Variants in PADI4 observed in about 807,000 individuals in gnomAD.
PADI4 encodes the protein peptidyl arginine deiminase 4.
A neutral mutation model predicts 75.0 loss-of-function variants in PADI4; 62 were observed. The observed-to-expected ratio is 0.83, with a 90% CI of 0.67 to 1.02. The LOEUF (loss-of-function observed/expected upper bound fraction) is 1.02. PADI4 is among the 50% of genes least tolerant of loss of function. The probability of loss-of-function intolerance (pLI) is 0.00; values close to 1 mark genes in which losing one functional copy is unlikely to be tolerated. For missense variants in PADI4, 845 were observed against 850.5 expected (o/e 0.99, Z 0.08); for synonymous variants, 361 against 348.1 (o/e 1.04, Z -0.41).
At chr1:17,309,537 T>C (rs537351415) in intron 1 of PADI4, among the ~76,000 whole-genome samples, 1 of 152,120 alleles carries the variant, frequency 6.6e-6, no homozygotes, top group East Asian at 1.9e-4. Flanking sequence ...AAATAATAAA[T>C]CCTCCTCAAC....
chr1:17,338,247 G>T, intron 5 of PADI4, 92 bp downstream of exon 5: 1 of 795,690 alleles, frequency 1.3e-6, no homozygotes, highest in Non-Finnish European at 2.2e-6. Context: ...CTGAAATAAG[G>T]GTTATTGAAA....
intron 1 of PADI4, among the ~76,000 whole-genome samples, chr1:17,329,055 A>AATAAAATATTAATATTAATATTTTATT (rs1412793913): frequency 0.016 from 2,275 of 142,588 alleles, 27 homozygotes; most frequent in Non-Finnish European, 0.025. Context: ...ATAATTTATT[A>AATAAAATATTAATATTAATATTTTATT]ATAAAATATT....
chr1:17,338,201 C>T (rs1475487360), intron 5 of PADI4, 46 bp downstream of exon 5: 4 of 1,225,002 alleles, frequency 3.3e-6, no homozygotes, highest in Non-Finnish European at 4.8e-6. Flanking sequence ...TTATAAAGCC[C>T]TTTTGCCCAC....
chr1:17,341,780 C>T (rs2074422873), intron 6 of PADI4, among the ~76,000 whole-genome samples, 163 bp from the exon 7 acceptor site: 1 of 152,204 alleles, frequency 6.6e-6, no homozygotes, highest in South Asian at 2.1e-4. Context: ...GCTAGAACTT[C>T]AGTCCTTTTC....
At chr1:17,318,996 T>C (rs2073989713) in intron 1 of PADI4, among the ~76,000 whole-genome samples, 2 of 151,776 alleles carry the variant, frequency 1.3e-5, no homozygotes. Flanking sequence ...CCTTTTTTTT[T>C]CCTTTTTGTG....
intron 2 of PADI4, among the ~76,000 whole-genome samples, chr1:17,333,608 C>T (rs2074255424): frequency 1.3e-5 from 2 of 151,822 alleles, no homozygotes; most frequent in South Asian, 4.2e-4. Context: ...TTATGATCAG[C>T]TCTCTCTAGC....
In PADI4 at chr1:17,356,557, C is replaced by A. The variant is rs1047847787; in HGVS notation, c.1558+98C>A. On this transcript the variant is annotated intron_variant, in intron 13 of 15. Transcript: ENST00000375448. This position sits in a 1 kb window ranked among gnomAD's most constrained non-coding sequence, Gnocchi z 4.1. ...AATCATCCAGGCAATAGGGTAGCAT[C>A]TGAGCACCTACTGTGCGCCAGGCAC... The A allele has an allele frequency of 1.4e-6, 1 of 710,384 alleles. No homozygotes were observed. The highest frequency in any genetic ancestry group is 2.5e-6 in the Non-Finnish European group (1 of 403,290). The allele number at this position is 710,384 out of a possible 1,614,324, so 44.0% of individuals were successfully genotyped here. A position where few individuals can be genotyped will look rare whatever the true frequency, so the allele number is the denominator to read the frequency against.
rs1200790209 is a variant in PADI4 at position 17,316,476 on chromosome 1, T to G, written c.92+8162T>G. On this transcript the variant is annotated intron_variant, in intron 1 of 15. Coordinates refer to ENST00000375448, the MANE Select transcript of PADI4 (RefSeq NM_012387.3). Reference sequence around the variant, plus strand: ...AGGCTGAGGTGGGCAGATCACGAGGTCAGGAGATCGAGACCATCCTGGCTA... The same window carrying G: ...AGGCTGAGGTGGGCAGATCACGAGGGCAGGAGATCGAGACCATCCTGGCTA... Among the ~76,000 whole-genome samples, 7 of 150,420 alleles carry G rather than the reference T, an allele frequency of 4.7e-5. No homozygotes were observed. In the East Asian group the frequency reaches 1.4e-3, roughly 30 times the overall value.
At chr1:17,332,865 C>T (rs1019845646) in intron 2 of PADI4, among the ~76,000 whole-genome samples, 1 of 151,998 alleles carries the variant, frequency 6.6e-6, no homozygotes, top group Non-Finnish European at 1.5e-5. Context: ...AAGGGTGACA[C>T]GAACTACCCA....
chr1:17,338,657 A>G (rs1220045164), intron 5 of PADI4, among the ~76,000 whole-genome samples: 1 of 152,228 alleles, frequency 6.6e-6, no homozygotes, highest in Non-Finnish European at 1.5e-5. Context: ...ACTGACACGT[A>G]GCAGACTCGG....
At chr1:17,343,418 C>T (rs936212171) in intron 8 of PADI4, among the ~76,000 whole-genome samples, 1 of 151,986 alleles carries the variant, frequency 6.6e-6, no homozygotes, top group Non-Finnish European at 1.5e-5. Flanking sequence ...GCTTCAGGGG[C>T]AGAAGAGTAA....
intron 1 of PADI4, 133 bp from the exon 2 acceptor site, chr1:17,330,836 A>G (rs1299732927): frequency 8.3e-6 from 5 of 601,588 alleles, no homozygotes; most frequent in African/African-American, 1.9e-5. Flanking sequence ...CCCAGAAAAA[A>G]TACTTCGCAT....
chr1:17,326,589 A>G (rs1434571844), intron 1 of PADI4, among the ~76,000 whole-genome samples: 2 of 152,172 alleles, frequency 1.3e-5, no homozygotes, highest in Non-Finnish European at 2.9e-5. Context: ...TATATTACCT[A>G]TGCTTTAATG....
intron 13 of PADI4, among the ~76,000 whole-genome samples, chr1:17,357,656 G>A (rs2100251459): frequency 6.6e-6 from 1 of 152,024 alleles, no homozygotes; most frequent in East Asian, 1.9e-4. Flanking sequence ...AACTAGGCTG[G>A]GCGCGATGGT....
Position 17,350,433 on chromosome 1 carries a change from T to C in PADI4, c.1155+2385T>C, listed in dbSNP as rs1372145088. Among the ~76,000 whole-genome samples, 5 of 130,994 alleles carry C rather than the reference T, an allele frequency of 3.8e-5. 2 individuals are homozygous for C. The highest frequency in any genetic ancestry group is 8.7e-5 in the Non-Finnish European group (5 of 57,634). The allele number at this position is 130,994 out of a possible 152,430, so 85.9% of individuals were successfully genotyped here. On this transcript the variant is annotated intron_variant, in intron 10 of 15. Coordinates refer to ENST00000375448, the MANE Select transcript of PADI4 (RefSeq NM_012387.3). ...CTCTCTGCTGGTTAAAATGAGGGAT[T>C]AGCAGGTGTCAAGGATGTGTTTGCA...
At chr1:17,334,765 T>A in intron 3 of PADI4, 1 of 364,902 alleles carries the variant, frequency 2.7e-6, no homozygotes, top group Non-Finnish European at 5.4e-6. Flanking sequence ...TTATGTAATG[T>A]TCTTCTTTAA....
At chr1:17,355,617 C>T (rs899172458) in intron 11 of PADI4, among the ~76,000 whole-genome samples, 19 of 150,834 alleles carry the variant, frequency 1.3e-4, no homozygotes, top group Non-Finnish European at 2.4e-4. Context: ...GAGGCTCAAA[C>T]AGGTGAAGGA....
intron 1 of PADI4, among the ~76,000 whole-genome samples, chr1:17,329,076 T>C (rs1416921826): frequency 4.7e-5 from 7 of 148,964 alleles, no homozygotes; most frequent in Non-Finnish European, 8.9e-5. Flanking sequence ...AATATTAATA[T>C]TTTATTAGTA....
intron 4 of PADI4, 51 bp from the exon 5 acceptor site, chr1:17,337,987 G>T: frequency 9.8e-7 from 1 of 1,019,916 alleles, no homozygotes; most frequent in Middle Eastern, 2.1e-4. Context: ...TGCAAGAGTT[G>T]GAGGGCTCTA....
Sources: allele counts gnomAD v4.1 joint callset (sites outside exome capture counted in the v4.1 genomes callset), GRCh38; gene constraint gnomAD v4.1.1; non-coding constraint Gnocchi (gnomAD v3.1); transcripts MANE v1.5; gene names NCBI Gene and HGNC (gene_info 2026-07-23, HGNC 2026-07-21).